CTIF: variants seen among roughly 807,000 people sequenced by gnomAD.
The protein encoded by CTIF is cap binding complex dependent translation initiation factor, also known as CBP80/20-dependent translation initiation factor.
In CTIF, 21 loss-of-function variants were observed where a neutral mutation model predicts 66.0. That is an observed-to-expected ratio of 0.32 (90% CI 0.23 to 0.46). The LOEUF (loss-of-function observed/expected upper bound fraction) is 0.46. Ranked by LOEUF, CTIF falls within the 20% of genes least tolerant of loss-of-function variation. The pLI, the probability that CTIF is intolerant of heterozygous loss-of-function variation, is 1.00. For missense variants in CTIF, 739 were observed against 812.7 expected (o/e 0.91, Z 1.10); for synonymous variants, 345 against 326.4 (o/e 1.06, Z -0.62).
At chr18:48,718,396 C>G (rs1193666000) in intron 7 of CTIF, among the ~76,000 whole-genome samples, 1 of 152,084 alleles carries the variant, frequency 6.6e-6, no homozygotes, top group Non-Finnish European at 1.5e-5. Flanking sequence ...GCCAAGAAGT[C>G]CCACAGTCTG....
intron 11 of CTIF, 49 bp from the exon 12 acceptor site, chr18:48,859,295 G>T: frequency 3.2e-6 from 5 of 1,548,466 alleles, no homozygotes; most frequent in Non-Finnish European, 4.5e-6. Flanking sequence ...GTGGCCAGTG[G>T]GCCACTGTGG....
chr18:48,541,097 C>T (rs1378559562), intron 1 of CTIF, among the ~76,000 whole-genome samples: 1 of 152,166 alleles, frequency 6.6e-6, no homozygotes, highest in African/African-American at 2.4e-5. Context: ...CCGAGGCGTT[C>T]TATGGGTGTG....
At chr18:48,829,157 G>T (rs946025420) in intron 10 of CTIF, among the ~76,000 whole-genome samples, 1 of 152,146 alleles carries the variant, frequency 6.6e-6, no homozygotes, top group Non-Finnish European at 1.5e-5. Context: ...TGCCAGAGTT[G>T]TGGGTACAAG....
At chr18:48,801,877 G>T (rs1365131346) in intron 9 of CTIF, among the ~76,000 whole-genome samples, 1 of 152,208 alleles carries the variant, frequency 6.6e-6, no homozygotes, top group Non-Finnish European at 1.5e-5. Flanking sequence ...TCTCCAAAAA[G>T]CTGGATAAGC....
At chr18:48,725,650 T>G (rs955605924) in intron 7 of CTIF, among the ~76,000 whole-genome samples, 2 of 152,216 alleles carry the variant, frequency 1.3e-5, no homozygotes, top group African/African-American at 4.8e-5. Context: ...CAGTGGTTGA[T>G]CTACCCTTAA....
chr18:48,854,990 T>C (rs2069293588), intron 10 of CTIF, among the ~76,000 whole-genome samples: 1 of 152,188 alleles, frequency 6.6e-6, no homozygotes, highest in Non-Finnish European at 1.5e-5. Flanking sequence ...TGTTTATTGG[T>C]TTGTTTTCTG....
At chr18:48,693,607 G>C (rs2091964154) in intron 6 of CTIF, among the ~76,000 whole-genome samples, 1 of 152,030 alleles carries the variant, frequency 6.6e-6, no homozygotes, top group Non-Finnish European at 1.5e-5. Context: ...GTGTGAGAAG[G>C]CTGGGTACCT....
At chr18:48,657,869 C>T (rs2091270509) in intron 3 of CTIF, among the ~76,000 whole-genome samples, 1 of 152,196 alleles carries the variant, frequency 6.6e-6, no homozygotes, top group Non-Finnish European at 1.5e-5. Context: ...CCAACGCTTG[C>T]CTGGGATGAG....
chr18:48,642,478 T>G (rs2090953044), intron 3 of CTIF, among the ~76,000 whole-genome samples: 2 of 152,096 alleles, frequency 1.3e-5, no homozygotes, highest in Admixed American at 1.3e-4. Context: ...GTTGGGATGT[T>G]AGAGTAATAG....
At chr18:48,719,925 A>G (rs747052744) in intron 7 of CTIF, among the ~76,000 whole-genome samples, 7 of 152,226 alleles carry the variant, frequency 4.6e-5, no homozygotes, top group Admixed American at 4.6e-4. Context: ...CGTGAGTTCA[A>G]TGTTAATAAA....
At chr18:48,627,675 C>T (rs2090627241) in intron 2 of CTIF, among the ~76,000 whole-genome samples, 1 of 151,572 alleles carries the variant, frequency 6.6e-6, no homozygotes, top group Admixed American at 6.6e-5. Context: ...GCTGAGATCA[C>T]ACCCCTTCAC....
At chr18:48,741,274 G>GCCCCCCC (rs759009342) in intron 7 of CTIF, among the ~76,000 whole-genome samples, 9 of 99,994 alleles carry the variant, frequency 9.0e-5, no homozygotes, top group East Asian at 5.9e-4. Context: ...TCTTTACTCT[G>GCCCCCCC]CCCCCGCCCC....
intron 9 of CTIF, among the ~76,000 whole-genome samples, chr18:48,801,688 G>A (rs1346533080): frequency 3.9e-5 from 6 of 152,078 alleles, no homozygotes; most frequent in East Asian, 1.9e-4. Context: ...CCAGTCTTCC[G>A]GACAATTTCA....
chr18:48,770,784 G>A (rs1431605047), intron 9 of CTIF, among the ~76,000 whole-genome samples: 2 of 152,178 alleles, frequency 1.3e-5, no homozygotes, highest in African/African-American at 4.8e-5. Context: ...CTGCACCCAC[G>A]TTTCCGTCCT....
chr18:48,646,199 A>G (rs1366022338), intron 3 of CTIF, among the ~76,000 whole-genome samples: 1 of 152,116 alleles, frequency 6.6e-6, no homozygotes, highest in East Asian at 1.9e-4. Context: ...TATATAAAGA[A>G]CTCTCAAAAC....
At chr18:48,854,751 T>C (rs1271137505) in intron 10 of CTIF, among the ~76,000 whole-genome samples, 1 of 152,016 alleles carries the variant, frequency 6.6e-6, no homozygotes, top group Non-Finnish European at 1.5e-5. Context: ...AGAGACCCTG[T>C]CTCTACAAAA....
chr18:48,557,856 G>C (rs954663383), intron 1 of CTIF, among the ~76,000 whole-genome samples: 1 of 152,210 alleles, frequency 6.6e-6, no homozygotes, highest in Non-Finnish European at 1.5e-5. Context: ...CAGCTGTCTG[G>C]TGTCTGTTCT....
At chr18:48,743,318 C>T (rs1185246726) in intron 7 of CTIF, among the ~76,000 whole-genome samples, 1 of 152,204 alleles carries the variant, frequency 6.6e-6, no homozygotes, top group African/African-American at 2.4e-5. Flanking sequence ...GACAGAAGCA[C>T]TTCCTAAAAA....
intron 6 of CTIF, among the ~76,000 whole-genome samples, chr18:48,705,754 G>T (rs1006308375): frequency 4.6e-5 from 7 of 152,256 alleles, no homozygotes; most frequent in Non-Finnish European, 1.0e-4. Context: ...GGTTGAGGTT[G>T]TGGCATGCCC....
Sources: gnomAD v4.1 joint callset for allele counts (sites outside exome capture counted in the v4.1 genomes callset) on GRCh38, gnomAD v4.1.1 for gene constraint, MANE v1.5 for transcripts, NCBI Gene and HGNC (gene_info 2026-07-23, HGNC 2026-07-21) for gene names.